NALF1: variants seen among roughly 807,000 people sequenced by gnomAD.
The protein encoded by NALF1 is NALCN channel auxiliary factor 1.
NALF1 carries 3 observed loss-of-function variants against 48.4 expected under a neutral mutation model. The ratio of observed to expected loss-of-function variants is 0.06; its 90% confidence interval spans 0.03 to 0.16. The LOEUF is 0.16. NALF1 is among the 10% of genes least tolerant of loss of function. The pLI is 1.00. For synonymous variants in NALF1, 262 were observed against 245.7 expected, an observed-to-expected ratio of 1.07 and a Z score of -0.62; for missense variants, 526 against 571.5, an observed-to-expected ratio of 0.92 and a Z score of 0.81.
At chr13:107,182,262 G>T (rs1879081986) in intron 2 of NALF1, among the ~76,000 whole-genome samples, 1 of 151,508 alleles carries the variant, frequency 6.6e-6, no homozygotes, top group South Asian at 2.1e-4. Flanking sequence ...CCGTGTGTGT[G>T]TGTGTGTGTG....
intron 1 of NALF1, among the ~76,000 whole-genome samples, chr13:107,275,975 TG>T (rs1434665623): frequency 6.6e-6 from 1 of 152,080 alleles, no homozygotes; most frequent in African/African-American, 2.4e-5. Context: ...GCTGCTCAAC[TG>T]GGGGGTCTCA....
chr13:107,553,936 G>C (rs910134243), intron 1 of NALF1, among the ~76,000 whole-genome samples: 1 of 152,182 alleles, frequency 6.6e-6, no homozygotes, highest in Non-Finnish European at 1.5e-5. Context: ...CTTTAAAAGA[G>C]CATATCCATG....
At chr13:107,336,185 T>C (rs1566488430) in intron 1 of NALF1, among the ~76,000 whole-genome samples, 1 of 151,988 alleles carries the variant, frequency 6.6e-6, no homozygotes, top group Non-Finnish European at 1.5e-5. Flanking sequence ...AACACTGTCC[T>C]CTATCAAAAA....
intron 1 of NALF1, among the ~76,000 whole-genome samples, chr13:107,637,823 C>A (rs559765159): frequency 5.3e-5 from 8 of 152,124 alleles, no homozygotes; most frequent in African/African-American, 1.4e-4. Flanking sequence ...GTCTTATAAA[C>A]CTACACATGT....
intron 1 of NALF1, among the ~76,000 whole-genome samples, chr13:107,790,850 A>G (rs947728894): frequency 6.8e-6 from 1 of 146,880 alleles, no homozygotes; most frequent in Middle Eastern, 3.2e-3. Flanking sequence ...ATAAAAATCT[A>G]TAAACATAGA....
intron 1 of NALF1, among the ~76,000 whole-genome samples, chr13:107,585,828 T>C (rs1878439201): frequency 6.6e-6 from 1 of 152,184 alleles, no homozygotes; most frequent in South Asian, 2.1e-4. Context: ...GGTATTTCAT[T>C]AACTTAATCA....
At chr13:107,398,066 C>T (rs1045348363) in intron 1 of NALF1, among the ~76,000 whole-genome samples, 14 of 152,114 alleles carry the variant, frequency 9.2e-5, no homozygotes, top group African/African-American at 3.1e-4. Context: ...ATACTTCATC[C>T]TCATTGTCCT....
chr13:107,387,659 C>A (rs1344902037), intron 1 of NALF1, among the ~76,000 whole-genome samples: 1 of 152,130 alleles, frequency 6.6e-6, no homozygotes, highest in Non-Finnish European at 1.5e-5. Context: ...CCTAAAAGGC[C>A]AAGCCTTCCC....
chr13:107,606,754 T>A (rs955988203), intron 1 of NALF1, among the ~76,000 whole-genome samples: 9 of 152,300 alleles, frequency 5.9e-5, no homozygotes, highest in African/African-American at 2.2e-4. Flanking sequence ...CAAAATTGGC[T>A]TTCAAGCTGA....
intron 1 of NALF1, among the ~76,000 whole-genome samples, chr13:107,388,297 G>A (rs1355329835): frequency 6.6e-6 from 1 of 152,168 alleles, no homozygotes; most frequent in African/African-American, 2.4e-5. Context: ...CTACTGACCA[G>A]GGTACTGGAC....
chr13:107,208,634 T>C (rs1038634333), intron 2 of NALF1, among the ~76,000 whole-genome samples: 9 of 152,040 alleles, frequency 5.9e-5, no homozygotes, highest in African/African-American at 2.2e-4. Flanking sequence ...TGTAAATGCA[T>C]AAACACAACC....
At chr13:107,754,101 C>T (rs1173078378) in intron 1 of NALF1, among the ~76,000 whole-genome samples, 1 of 152,092 alleles carries the variant, frequency 6.6e-6, no homozygotes, top group Non-Finnish European at 1.5e-5. Context: ...CTATATTCTG[C>T]TTAGGTTTGC....
intron 1 of NALF1, among the ~76,000 whole-genome samples, chr13:107,784,571 C>G (rs903774035): frequency 6.6e-6 from 1 of 151,966 alleles, no homozygotes; most frequent in African/African-American, 2.4e-5. Context: ...AAACAATTCC[C>G]TCAAAAAGTG....
chr13:107,427,170 T>A (rs1884294758), intron 1 of NALF1, among the ~76,000 whole-genome samples: 1 of 151,624 alleles, frequency 6.6e-6, no homozygotes. Context: ...TTCAAGTAGA[T>A]AAGTACACAG....
At chr13:107,616,475 C>T (rs1398390231) in intron 1 of NALF1, among the ~76,000 whole-genome samples, 1 of 152,132 alleles carries the variant, frequency 6.6e-6, no homozygotes, top group Non-Finnish European at 1.5e-5. Flanking sequence ...ATTTCAAAAC[C>T]ATTTATGTGT....
chr13:107,759,578 A>AATGTG (rs1210002984), intron 1 of NALF1, among the ~76,000 whole-genome samples: 105 of 152,256 alleles, frequency 6.9e-4, no homozygotes, highest in African/African-American at 2.4e-3. Context: ...CTAGTCCAAG[A>AATGTG]GACAGACTGG....
At chr13:107,767,795 A>C (rs188793146) in intron 1 of NALF1, among the ~76,000 whole-genome samples, 14 of 152,274 alleles carry the variant, frequency 9.2e-5, no homozygotes, top group African/African-American at 3.4e-4. Flanking sequence ...TTCTCTATTT[A>C]TATATGATAG....
intron 1 of NALF1, among the ~76,000 whole-genome samples, chr13:107,693,366 A>G (rs1044616280): frequency 3.1e-4 from 47 of 151,904 alleles, no homozygotes; most frequent in African/African-American, 9.4e-4. Context: ...AGATATACCT[A>G]ATGTAAATGA....
At chr13:107,355,465 G>A (rs1473024964) in intron 1 of NALF1, among the ~76,000 whole-genome samples, 2 of 152,144 alleles carry the variant, frequency 1.3e-5, no homozygotes, top group Non-Finnish European at 1.5e-5. Flanking sequence ...GAAGATGCCT[G>A]TTGATAAGGT....
Sources: gnomAD v4.1 joint callset for allele counts (sites outside exome capture counted in the v4.1 genomes callset) on GRCh38, gnomAD v4.1.1 for gene constraint, MANE v1.5 for transcripts, NCBI Gene and HGNC (gene_info 2026-07-23, HGNC 2026-07-21) for gene names.